The following CHD4 variants were observed in gnomAD, a reference collection of about 807,000 sequenced individuals.
CHD4 encodes ATP-dependent chromatin remodeler CHD4.
CHD4 carries 35 observed loss-of-function variants against 235.5 expected under a neutral mutation model. The observed-to-expected ratio is 0.15, with a 90% CI of 0.11 to 0.20. CHD4 has a LOEUF of 0.20. Among genes scored for constraint, CHD4 ranks in the 10% least tolerant of loss-of-function variants. CHD4 has a pLI of 1.00. For missense variants in CHD4, 1,329 were observed against 2,432.3 expected (o/e 0.55, Z 9.54); for synonymous variants, 900 against 850.2 (o/e 1.06, Z -1.02).
At chr12:6,585,440 C>T (rs998097966) in intron 25 of CHD4, among the ~76,000 whole-genome samples, 8 of 151,750 alleles carry the variant, frequency 5.3e-5, no homozygotes, top group Non-Finnish European at 8.8e-5. Context: ...CCCGCCACCA[C>T]GCCCAGCTAA....
intron 19 of CHD4, 124 bp from the exon 20 acceptor site, chr12:6,592,181 A>G (rs1948412390): frequency 1.5e-6 from 2 of 1,306,066 alleles, no homozygotes; most frequent in East Asian, 2.3e-5. Context: ...CACCTAACGC[A>G]CAAGCACTAC....
At chr12:6,577,294 C>T (rs140385212) in intron 37 of CHD4, among the ~76,000 whole-genome samples, 1,952 of 151,990 alleles carry the variant, frequency 0.013, 22 homozygotes, top group Middle Eastern at 0.027. Context: ...TGGTGGCAGG[C>T]GCCTGTAATC....
rs1948215365 is a variant in CHD4 at position 6,582,663 on chromosome 12, G to A, written c.4322C>T (p.Thr1441Ile). ...YGMPPQDAFTTQWLVRDLRGK... is the reference protein window; with the variant it reads ...YGMPPQDAFTIQWLVRDLRGK... ...TCGCAGGTCTCTTACAAGCCACTGG[G>A]TAGTAAAAGCATCCTGAGGTGGCAT... is the stretch of plus-strand genomic sequence containing the variant. The change falls in exon 29 of 40, where the codon ACC becomes ATC. Residue 1441 changes from threonine to isoleucine, a missense_variant. Physicochemically the swap from Thr to Ile is moderately conservative, Grantham distance 89. Coordinates refer to ENST00000544040, the MANE Select transcript of CHD4 (RefSeq NM_001273.5). The A allele has an allele frequency of 6.2e-7, 1 of 1,614,038 alleles. No homozygotes were observed. Among genetic ancestry groups the A allele is most frequent in the South Asian group, 1.1e-5 (1 of 91,082 alleles).
chr12:6,601,623 C>T (rs745807711), intron 5 of CHD4, 25 bp downstream of exon 5: 4 of 1,613,600 alleles, frequency 2.5e-6, no homozygotes, highest in Non-Finnish European at 3.4e-6. Context: ...TCTCCTCCCC[C>T]TTCCCCAAAC....
chr12:6,588,461 T>A (rs1382720259), intron 22 of CHD4, 39 bp from the exon 23 acceptor site: 1 of 1,603,708 alleles, frequency 6.2e-7, no homozygotes, highest in South Asian at 1.1e-5. Context: ...AAGTGTCTCC[T>A]AAATTCCAAT....
chr12:6,577,316 G>A (rs2136195637), intron 37 of CHD4, among the ~76,000 whole-genome samples: 1 of 151,900 alleles, frequency 6.6e-6, no homozygotes, highest in Middle Eastern at 3.4e-3. Flanking sequence ...CAGCTACTCA[G>A]GAGGCTGAGG....
At chr12:6,599,394 T>A (rs1457108633) in intron 10 of CHD4, among the ~76,000 whole-genome samples, 1 of 151,690 alleles carries the variant, frequency 6.6e-6, no homozygotes, top group Non-Finnish European at 1.5e-5. Flanking sequence ...GAGCTATGAC[T>A]GCACCACTGC....
chr12:6,576,464 G>A (rs1391903005), intron 37 of CHD4, among the ~76,000 whole-genome samples: 5 of 152,148 alleles, frequency 3.3e-5, no homozygotes, highest in East Asian at 1.9e-4. Context: ...ACAGGTGCAC[G>A]CCACCAGAAC....
chr12:6,605,537 G>A (rs1019017507), intron 2 of CHD4, among the ~76,000 whole-genome samples: 5 of 152,244 alleles, frequency 3.3e-5, no homozygotes, highest in East Asian at 1.9e-4. Context: ...ACTTCACACT[G>A]CCAGCCTAAA....
At chr12:6,574,399 A>G (rs2136192786) in intron 37 of CHD4, among the ~76,000 whole-genome samples, 1 of 152,330 alleles carries the variant, frequency 6.6e-6, no homozygotes, top group African/African-American at 2.4e-5. Flanking sequence ...TCATACTGCA[A>G]AAACACTCAT....
intron 2 of CHD4, chr12:6,603,185 C>G (rs895635108): frequency 1.3e-5 from 2 of 152,552 alleles, no homozygotes; most frequent in Non-Finnish European, 2.9e-5. Context: ...CCCCTACACC[C>G]GCCCCCCAGC....
At chr12:6,592,600 A>C in intron 18 of CHD4, 34 bp from the exon 19 acceptor site, 1 of 1,581,764 alleles carries the variant, frequency 6.3e-7, no homozygotes, top group African/African-American at 1.4e-5. Flanking sequence ...GTTATTGGAG[A>C]AGGAGAAAGG....
Position 6,593,588 on chromosome 12 carries a change from C to T in CHD4, c.2342G>A (p.Ser781Asn). Reference protein sequence around the residue: ...EGHSKGPFLVSAPLSTIINWE... With the variant: ...EGHSKGPFLVNAPLSTIINWE... ...GTTGATGATGGTAGAAAGAGGGGCGCTCACTAGGAAGGGGCCTTTGGAATG... is the reference window on the plus strand; with the variant it reads ...GTTGATGATGGTAGAAAGAGGGGCGTTCACTAGGAAGGGGCCTTTGGAATG... The change falls in exon 16 of 40, where the codon AGC (serine) becomes AAC (asparagine). Residue 781 changes from serine to asparagine, a missense_variant. Ser to Asn is a conservative substitution (Grantham distance 46). Coordinates refer to ENST00000544040, the MANE Select transcript of CHD4 (RefSeq NM_001273.5). This position sits in a 1 kb window ranked among gnomAD's most constrained non-coding sequence, Gnocchi z 4.9. The T allele has an allele frequency of 6.2e-7, 1 of 1,614,136 alleles. No homozygotes were observed. The highest frequency in any genetic ancestry group is 8.5e-7 in the Non-Finnish European group (1 of 1,180,028).
Position 6,597,907 on chromosome 12 carries a change from T to G in CHD4, c.1879A>C (p.Ile627Leu), listed in dbSNP as rs759218992. 6.2e-7 allele frequency: 1 copy of G among 1,614,178 alleles called. No individual in the cohort carries two copies. Among genetic ancestry groups the G allele is most frequent in the Admixed American group, 1.7e-5 (1 of 60,030 alleles). ...IKPEWMMIHRILNHSVDKKGH... is the reference protein window; with the variant it reads ...IKPEWMMIHRLLNHSVDKKGH... ...CTCAGCTGGTACCTGTGGTTGAGGATTCGGTGGATCATCATCCACTCGGGT... is the reference window on the plus strand; with the variant it reads ...CTCAGCTGGTACCTGTGGTTGAGGAGTCGGTGGATCATCATCCACTCGGGT... Residue 627 changes from isoleucine to leucine, a missense_variant, in exon 12 of 40, where the codon ATC becomes CTC. Physicochemically the swap from Ile to Leu is conservative, Grantham distance 5. Coordinates refer to ENST00000544040, the MANE Select transcript of CHD4 (RefSeq NM_001273.5).
intron 25 of CHD4, among the ~76,000 whole-genome samples, chr12:6,586,530 T>C (rs1948297843): frequency 6.6e-6 from 1 of 152,048 alleles, no homozygotes; most frequent in Admixed American, 6.6e-5. Context: ...TTCAAGACCA[T>C]CCTGGGCAAC....
Position 6,581,825 on chromosome 12 carries a change from G to A in CHD4, c.4516-11C>T. On this transcript the variant is annotated splice_polypyrimidine_tract_variant and intron_variant, in intron 30 of 39. Coordinates refer to ENST00000544040, the MANE Select transcript of CHD4 (RefSeq NM_001273.5). ...TTCAAACTCCTGAACCTGTAGCAATGGGACAAGAAGTTGAAGACCCAATTC... is the reference window on the plus strand; with the variant it reads ...TTCAAACTCCTGAACCTGTAGCAATAGGACAAGAAGTTGAAGACCCAATTC... 6.6e-7 allele frequency: 1 copy of A among 1,508,346 alleles called. No individual in the cohort carries two copies. The highest frequency in any genetic ancestry group is 1.8e-4 in the Middle Eastern group (1 of 5,484). 93.4% of individuals were successfully genotyped at this position (1,508,346 alleles called of 1,614,324 possible). A position where few individuals can be genotyped will look rare whatever the true frequency, so the allele number is the denominator to read the frequency against.
chr12:6,605,014 C>T (rs1183999844), intron 2 of CHD4, among the ~76,000 whole-genome samples: 2 of 152,224 alleles, frequency 1.3e-5, no homozygotes, highest in African/African-American at 4.8e-5. Context: ...CCCTACTCTA[C>T]ACAAGGATGA....
Position 6,581,518 on chromosome 12 carries a change from G to A in CHD4, c.4682-130C>T. The A allele has an allele frequency of 2.0e-6, 3 of 1,514,366 alleles. No homozygotes were observed. The African/African-American group carries it at 4.1e-5, about 21-fold the overall frequency. 93.8% of individuals were successfully genotyped at this position (1,514,366 alleles called of 1,614,324 possible). A position where few individuals can be genotyped will look rare whatever the true frequency, so the allele number is the denominator to read the frequency against. ...AAGAGCCAGCCCTATTCTTAGGACG[G>A]CCCTCCTAAACTGAGAGGGAATTGC... On this transcript the variant is annotated intron_variant, in intron 31 of 39. Coordinates refer to ENST00000544040, the MANE Select transcript of CHD4 (RefSeq NM_001273.5).
intron 22 of CHD4, among the ~76,000 whole-genome samples, chr12:6,590,545 A>C (rs2136212212): frequency 6.6e-6 from 1 of 152,312 alleles, no homozygotes; most frequent in African/African-American, 2.4e-5. Flanking sequence ...GATACTGAGC[A>C]CAGTGGCTTA....
Sources: allele counts gnomAD v4.1 joint callset (sites outside exome capture counted in the v4.1 genomes callset), GRCh38; gene constraint gnomAD v4.1.1; non-coding constraint Gnocchi (gnomAD v3.1); transcripts MANE v1.5; gene names NCBI Gene and HGNC (gene_info 2026-07-23, HGNC 2026-07-21).